Variants in NR6A1 observed in about 807,000 individuals in gnomAD.
The protein encoded by NR6A1 is nuclear receptor subfamily 6 group A member 1.
Under a neutral mutation model 59.1 loss-of-function variants are expected in NR6A1, and 7 were observed. The ratio of observed to expected loss-of-function variants is 0.12; its 90% CI spans 0.07 to 0.22. The LOEUF (loss-of-function observed/expected upper bound fraction) is 0.22. NR6A1 is among the 10% of genes least tolerant of loss of function. NR6A1 has a pLI of 1.00. For missense variants in NR6A1, 468 were observed against 611.6 expected, an observed-to-expected ratio of 0.77 and a Z score of 2.48; for synonymous variants, 243 against 236.1, an observed-to-expected ratio of 1.03 and a Z score of -0.27.
intron 2 of NR6A1, among the ~76,000 whole-genome samples, chr9:124,606,872 T>C (rs938164887): frequency 3.3e-5 from 5 of 152,234 alleles, no homozygotes; most frequent in African/African-American, 9.6e-5. Flanking sequence ...ATTGCTTCCC[T>C]GCTACTTTCT....
intron 5 of NR6A1, among the ~76,000 whole-genome samples, chr9:124,539,735 G>A (rs1173594632): frequency 6.6e-6 from 1 of 152,162 alleles, no homozygotes; most frequent in Admixed American, 6.5e-5. Flanking sequence ...AATAAATGAG[G>A]GAAAATGGCA....
At chr9:124,672,205 T>C (rs1359839361) in intron 2 of NR6A1, among the ~76,000 whole-genome samples, 3 of 152,204 alleles carry the variant, frequency 2.0e-5, no homozygotes, top group African/African-American at 2.4e-5. Flanking sequence ...CATTCTACTA[T>C]TGATGGATAT....
intron 2 of NR6A1, among the ~76,000 whole-genome samples, chr9:124,702,686 T>C (rs1328566198): frequency 6.6e-6 from 1 of 152,122 alleles, no homozygotes; most frequent in Non-Finnish European, 1.5e-5. Context: ...CCTCCTCTCT[T>C]GCTCTTTCTC....
intron 5 of NR6A1, among the ~76,000 whole-genome samples, chr9:124,539,521 A>T (rs937257915): frequency 6.6e-6 from 1 of 152,258 alleles, no homozygotes; most frequent in Non-Finnish European, 1.5e-5. Flanking sequence ...TAGCTGAAGG[A>T]TCTATTTCAC....
At chr9:124,709,029 C>T (rs1170233344) in intron 2 of NR6A1, among the ~76,000 whole-genome samples, 2 of 152,194 alleles carry the variant, frequency 1.3e-5, no homozygotes, top group African/African-American at 4.8e-5. Flanking sequence ...TGCCAAATGT[C>T]AAGCATCAAT....
rs190130005 is a variant in NR6A1 at position 124,537,059 on chromosome 9, C to T, written c.825-927G>A. Among the ~76,000 whole-genome samples, 771 of 150,458 alleles carry T rather than the reference C, an allele frequency of 5.1e-3. 13 individuals are homozygous for T. Among genetic ancestry groups the T allele is most frequent in the Admixed American group, 0.016 (246 of 15,238 alleles). Reference sequence around the variant, plus strand: ...CCTTGCCAAGACTTTTCCTCACACTCCCACATCTAAATTTTTTTTTTTTTT... The same window carrying T: ...CCTTGCCAAGACTTTTCCTCACACTTCCACATCTAAATTTTTTTTTTTTTT... On this transcript the variant is annotated intron_variant, in intron 6 of 9. Coordinates refer to ENST00000487099, the MANE Select transcript of NR6A1 (RefSeq NM_033334.4).
At chr9:124,547,440 G>A (rs904442500) in intron 3 of NR6A1, among the ~76,000 whole-genome samples, 7 of 152,076 alleles carry the variant, frequency 4.6e-5, no homozygotes, top group African/African-American at 1.7e-4. Context: ...CCTACATGTA[G>A]ATAACTATTT....
intron 2 of NR6A1, among the ~76,000 whole-genome samples, chr9:124,637,051 T>C (rs946722037): frequency 1.3e-5 from 2 of 152,108 alleles, no homozygotes; most frequent in African/African-American, 4.8e-5. Context: ...AAGGTGCTAA[T>C]GGGAACCCGG....
At position 124,584,096 on chromosome 9, in the gene NR6A1, C is replaced by CTTTTTT. The variant is rs557906470; in HGVS notation, c.143-29532_143-29527dup. On this transcript the variant is annotated intron_variant, in intron 2 of 9. Transcript: ENST00000487099. ...GCATACATCATTTTATTGCACTTGGCTTTTTTTTTTTTTTTTTGAGACAGA... is the reference window on the plus strand; with the variant it reads ...GCATACATCATTTTATTGCACTTGGCTTTTTTTTTTTTTTTTTTTTTTTGAGACAGA... Among the ~76,000 whole-genome samples the CTTTTTT allele has an allele frequency of 3.0e-5, 4 of 133,100 alleles. No individual in the cohort carries two copies. The South Asian group carries it at 9.6e-4, about 32-fold the overall frequency. The allele number at this position is 133,100 out of a possible 152,430, so 87.3% of individuals were successfully genotyped here. A position where few individuals can be genotyped will look rare whatever the true frequency, so the allele number is the denominator to read the frequency against.
At chr9:124,663,233 TA>T (rs948292586) in intron 2 of NR6A1, among the ~76,000 whole-genome samples, 1 of 151,830 alleles carries the variant, frequency 6.6e-6, no homozygotes, top group Admixed American at 6.6e-5. Flanking sequence ...TCTGTGGTTT[TA>T]AAAAAAAATT....
At chr9:124,746,723 T>C (rs1250230263) in intron 1 of NR6A1, among the ~76,000 whole-genome samples, 3 of 152,056 alleles carry the variant, frequency 2.0e-5, no homozygotes, top group Non-Finnish European at 4.4e-5. Flanking sequence ...CTCTACAAAA[T>C]AGGACTAAGG....
intron 2 of NR6A1, among the ~76,000 whole-genome samples, chr9:124,711,032 C>G (rs1267754194): frequency 6.6e-6 from 1 of 151,926 alleles, no homozygotes; most frequent in Non-Finnish European, 1.5e-5. Flanking sequence ...TGTCATGTTT[C>G]AAATATGAAC....
intron 4 of NR6A1, 85 bp from the exon 5 acceptor site, chr9:124,540,272 A>G: frequency 7.1e-7 from 1 of 1,405,532 alleles, no homozygotes; most frequent in Non-Finnish European, 9.6e-7. Flanking sequence ...TAAATCTCAT[A>G]GGATTTCCCA....
chr9:124,738,403 G>T (rs1840076646), intron 1 of NR6A1, among the ~76,000 whole-genome samples: 1 of 152,054 alleles, frequency 6.6e-6, no homozygotes, highest in Admixed American at 6.5e-5. Context: ...AGAAATCCAG[G>T]GTCTTTGTAT....
intron 9 of NR6A1, 128 bp downstream of exon 9, chr9:124,524,593 G>A (rs1373322359): frequency 2.0e-6 from 2 of 1,011,590 alleles, no homozygotes; most frequent in East Asian, 2.5e-5. Flanking sequence ...TTGAGGGCAA[G>A]GGTGAGAACT....
chr9:124,535,849 G>A (rs766364084), intron 7 of NR6A1, 29 bp downstream of exon 7: 1 of 1,611,938 alleles, frequency 6.2e-7, no homozygotes. Context: ...TGGTTGTTTG[G>A]TATTTCCTCC....
intron 2 of NR6A1, among the ~76,000 whole-genome samples, chr9:124,609,355 T>C (rs976710514): frequency 6.6e-6 from 1 of 152,222 alleles, no homozygotes; most frequent in African/African-American, 2.4e-5. Flanking sequence ...GCATCATTTA[T>C]TAAATAGGGA....
chr9:124,726,390 G>A (rs188636151), intron 2 of NR6A1, among the ~76,000 whole-genome samples: 7 of 152,180 alleles, frequency 4.6e-5, no homozygotes, highest in Admixed American at 1.3e-4. Context: ...TAAGTTCATC[G>A]GTTAGCTGCA....
chr9:124,693,677 G>A (rs772905840), intron 2 of NR6A1: 5 of 532,602 alleles, frequency 9.4e-6, no homozygotes, highest in Non-Finnish European at 1.2e-5. Flanking sequence ...AGTCAGCCAG[G>A]GAGGGCAAAG....
Sources: gnomAD v4.1 joint callset for allele counts (sites outside exome capture counted in the v4.1 genomes callset) on GRCh38, gnomAD v4.1.1 for gene constraint, MANE v1.5 for transcripts, NCBI Gene and HGNC (gene_info 2026-07-23, HGNC 2026-07-21) for gene names.